The following RAI2 variants were observed in gnomAD, a reference collection of about 807,000 sequenced individuals.
The protein encoded by RAI2 is retinoic acid-induced protein 2.
A neutral mutation model predicts 15.3 loss-of-function variants in RAI2; 5 were observed. That is an observed-to-expected ratio of 0.33 (90% CI 0.17 to 0.69). The LOEUF (loss-of-function observed/expected upper bound fraction) is 0.69, where lower values mean the gene tolerates loss of function less well. Among genes scored for constraint, RAI2 ranks in the 30% least tolerant of loss-of-function variants. RAI2 has a pLI of 0.69. For missense variants in RAI2, 424 were observed against 424.7 expected, an observed-to-expected ratio of 1.00 and a Z score of 0.01; for synonymous variants, 191 against 184.0, an observed-to-expected ratio of 1.04 and a Z score of -0.31.
At chrX:17,803,538 A>AG (rs1288972244) in intron 1 of RAI2, among the ~76,000 whole-genome samples, 1 of 110,933 alleles carries the variant, frequency 9.0e-6, no homozygotes, top group Non-Finnish European at 1.9e-5. Context: ...TAAAAAAAAA[A>AG]GAAAAGAAAA....
At chrX:17,816,470 T>C (rs1297241790) in intron 1 of RAI2, among the ~76,000 whole-genome samples, 1 of 112,202 alleles carries the variant, frequency 8.9e-6, no homozygotes, top group African/African-American at 3.2e-5. Flanking sequence ...GAAGTAGAGA[T>C]GTCTTCGGTC....
intron 1 of RAI2, among the ~76,000 whole-genome samples, chrX:17,830,002 T>A (rs1331326704): frequency 8.9e-6 from 1 of 112,602 alleles, no homozygotes; most frequent in African/African-American, 3.2e-5. Context: ...GAGAGAACCT[T>A]CCCCTTTTCA....
chrX:17,802,086 T>C, intron 1 of RAI2, 52 bp from the exon 2 acceptor site: 1 of 1,133,436 alleles, frequency 8.8e-7, no homozygotes, highest in Non-Finnish European at 1.2e-6. Context: ...TATTTATAAT[T>C]GCCTTAAGAG....
intron 1 of RAI2, among the ~76,000 whole-genome samples, chrX:17,830,248 A>C (rs1199082849): frequency 8.9e-6 from 1 of 112,558 alleles, no homozygotes; most frequent in African/African-American, 3.2e-5. Flanking sequence ...CTCAACAGCT[A>C]ACTGAATGAA....
chrX:17,801,517 T>C lies in RAI2; in HGVS notation c.494A>G (p.Gln165Arg), dbSNP rs755990148. ...LFQGAEDPEA[Q>R]PQLLDLRIPS... is the part of the protein sequence containing the mutation. ...GATCCTCAGGTCCAGGAGCTGGGGC[T>C]GGGCCTCGGGGTCCTCCGCTCCCTG... Residue 165 changes from glutamine to arginine, a missense_variant, in exon 2 of 2, where the codon CAG becomes CGG. Coordinates refer to ENST00000451717, the MANE Select transcript of RAI2 (RefSeq NM_021785.6). 1.0e-5 allele frequency: 12 copies of C among 1,197,869 alleles called. No individual in the cohort carries two copies. In the East Asian group the frequency reaches 3.3e-4, roughly 33 times the overall value.
At chrX:17,813,101 G>A (rs757756287) in intron 1 of RAI2, among the ~76,000 whole-genome samples, 1 of 111,370 alleles carries the variant, frequency 9.0e-6, no homozygotes, top group South Asian at 3.8e-4. Context: ...AAGTACTTAG[G>A]GAAGGTGCTC....
chrX:17,829,363 C>T (rs925044548), intron 1 of RAI2, among the ~76,000 whole-genome samples: 9 of 104,903 alleles, frequency 8.6e-5, no homozygotes, highest in African/African-American at 3.1e-4. Flanking sequence ...GTTCTCAAAA[C>T]AGGGCTAATG....
intron 1 of RAI2, among the ~76,000 whole-genome samples, chrX:17,805,859 G>A (rs1003914406): frequency 7.2e-5 from 8 of 111,856 alleles, no homozygotes; most frequent in African/African-American, 1.3e-4. Flanking sequence ...CAAGTATGGC[G>A]CTGGCCTTGG....
chrX:17,835,509 C>T (rs1440947191), intron 1 of RAI2, among the ~76,000 whole-genome samples: 1 of 111,998 alleles, frequency 8.9e-6, no homozygotes, highest in Admixed American at 9.4e-5. Flanking sequence ...CCTGCACCAG[C>T]TGTGCCCTCC....
At chrX:17,820,992 T>C (rs2067158802) in intron 1 of RAI2, among the ~76,000 whole-genome samples, 2 of 111,718 alleles carry the variant, frequency 1.8e-5, no homozygotes, top group Admixed American at 9.5e-5. Flanking sequence ...CTCCAACTCC[T>C]AGGCTCAAGA....
rs759795876 is a variant in RAI2, at chrX:17,807,646, T to C, written c.-24-5612A>G. Among the ~76,000 whole-genome samples, 4 of 111,911 alleles carry C rather than the reference T, an allele frequency of 3.6e-5. No individual in the cohort carries two copies. In the East Asian group the frequency reaches 1.1e-3, roughly 31 times the overall value. On this transcript the variant is annotated intron_variant, in intron 1 of 1. Coordinates refer to ENST00000451717, the MANE Select transcript of RAI2 (RefSeq NM_021785.6). ...CTCTTGTTTCGGGAAGAGCAGAGGGTCAGACCCGCAGGTGCCATGGTGGGA... is the reference window on the plus strand; with the variant it reads ...CTCTTGTTTCGGGAAGAGCAGAGGGCCAGACCCGCAGGTGCCATGGTGGGA...
rs147324609 is a variant in RAI2 at position 17,824,100 on chromosome X, G to A, written c.-24-22066C>T. 3.5e-3 allele frequency among the ~76,000 whole-genome samples: 395 copies of A among 112,764 alleles called. 2 individuals carry two copies. The highest frequency in any genetic ancestry group is 0.012 in the African/African-American group (382 of 31,084). On this transcript the variant is annotated intron_variant, in intron 1 of 1. Coordinates refer to ENST00000451717, the MANE Select transcript of RAI2 (RefSeq NM_021785.6). The stretch of plus-strand genomic sequence containing the variant: ...TAAATAGATAAACGAATGAATGAAC[G>A]AACGAAGAAACAAACGAATACAGCT...
chrX:17,845,153 G>C (rs768182641), intron 1 of RAI2, among the ~76,000 whole-genome samples: 1 of 112,248 alleles, frequency 8.9e-6, no homozygotes, highest in South Asian at 3.7e-4. Context: ...TGAACAAGAA[G>C]ACTCATTTTC....
At position 17,860,967 on chromosome X, in the gene RAI2, G is replaced by T. The variant is rs1233020780; in HGVS notation, c.-25+131C>A. The T allele has an allele frequency of 4.8e-5, 5 of 104,836 alleles. No individual in the cohort carries two copies. In the South Asian group the frequency reaches 1.2e-3, roughly 25 times the overall value. 8.6% of individuals were successfully genotyped at this position (104,836 alleles called of 1,213,427 possible). On this transcript the variant is annotated intron_variant, in intron 1 of 1. Coordinates refer to ENST00000451717, the MANE Select transcript of RAI2 (RefSeq NM_021785.6). ...TCCGGGCGCCGTCCTGCCCCCGGGAGCAGGCCCCTCCCCGGGCGCCGGGCC... is the reference window on the plus strand; with the variant it reads ...TCCGGGCGCCGTCCTGCCCCCGGGATCAGGCCCCTCCCCGGGCGCCGGGCC...
At chrX:17,809,216 A>G (rs2147218368) in intron 1 of RAI2, among the ~76,000 whole-genome samples, 1 of 112,599 alleles carries the variant, frequency 8.9e-6, no homozygotes, top group African/African-American at 3.2e-5. Flanking sequence ...TGCCCAGATT[A>G]GCTTTACAGA....
At chrX:17,824,988 T>C (rs1048338596) in intron 1 of RAI2, among the ~76,000 whole-genome samples, 2 of 112,576 alleles carry the variant, frequency 1.8e-5, no homozygotes, top group Admixed American at 1.9e-4. Context: ...TTTGCAAATA[T>C]GCCTTTGACA....
At chrX:17,843,198 T>C (rs1376903900) in intron 1 of RAI2, among the ~76,000 whole-genome samples, 1 of 111,999 alleles carries the variant, frequency 8.9e-6, no homozygotes, top group Non-Finnish European at 1.9e-5. Flanking sequence ...GTGGGTTTTG[T>C]TTGTAATGCA....
At chrX:17,819,912 G>A (rs1007216915) in intron 1 of RAI2, among the ~76,000 whole-genome samples, 27 of 112,361 alleles carry the variant, frequency 2.4e-4, no homozygotes, top group African/African-American at 8.4e-4. Flanking sequence ...ACAAAGGTGT[G>A]TACAAAATGT....
At chrX:17,802,067 T>C in intron 1 of RAI2, 33 bp from the exon 2 acceptor site, 2 of 1,141,847 alleles carry the variant, frequency 1.8e-6, no homozygotes, top group Admixed American at 2.9e-5. Context: ...TGAATCTTCC[T>C]TAAAAGACTA....
Sources: allele counts gnomAD v4.1 joint callset (sites outside exome capture counted in the v4.1 genomes callset), GRCh38; gene constraint gnomAD v4.1.1; transcripts MANE v1.5; gene names NCBI Gene and HGNC (gene_info 2026-07-23, HGNC 2026-07-21).